The following KIF1B variants were observed in gnomAD, a reference collection of about 807,000 sequenced individuals.
KIF1B encodes kinesin family member 1B, also known as kinesin-like protein KIF1B.
A neutral mutation model predicts 241.9 loss-of-function variants in KIF1B; 76 were observed. That is an observed-to-expected ratio of 0.31 (90% CI 0.26 to 0.38). KIF1B has a LOEUF of 0.38. Among genes scored for constraint, KIF1B ranks in the 10% least tolerant of loss-of-function variants. The probability of loss-of-function intolerance (pLI) is 1.00; values close to 1 mark genes in which losing one functional copy is unlikely to be tolerated. For synonymous variants in KIF1B, 750 were observed against 796.7 expected, an observed-to-expected ratio of 0.94 and a Z score of 0.99; for missense variants, 1,622 against 2,271.4, an observed-to-expected ratio of 0.71 and a Z score of 5.81.
chr1:10,284,897 TCTTC>T (rs992000520), intron 15 of KIF1B, among the ~76,000 whole-genome samples: 5 of 152,090 alleles, frequency 3.3e-5, no homozygotes, highest in Non-Finnish European at 7.4e-5. Context: ...TGTGCTTGTT[TCTTC>T]CTTCAGAACA....
intron 17 of KIF1B, among the ~76,000 whole-genome samples, chr1:10,294,439 A>G (rs753205791): frequency 2.6e-5 from 4 of 152,170 alleles, no homozygotes; most frequent in Non-Finnish European, 5.9e-5. Context: ...ATAAAAGTAA[A>G]TATTTCTTGA....
intron 22 of KIF1B, among the ~76,000 whole-genome samples, chr1:10,298,074 G>T (rs1421375477): frequency 6.6e-6 from 1 of 152,110 alleles, no homozygotes; most frequent in Non-Finnish European, 1.5e-5. Context: ...ACCAATTTTG[G>T]TTAACAAAGC....
At chr1:10,324,924 T>C (rs1651671660) in intron 26 of KIF1B, 29 bp downstream of exon 26, 1 of 1,612,610 alleles carries the variant, frequency 6.2e-7, no homozygotes, top group Non-Finnish European at 8.5e-7. Flanking sequence ...GATGTCTTCT[T>C]TTAAAATAAT....
chr1:10,290,067 C>G (rs549056603), intron 15 of KIF1B, among the ~76,000 whole-genome samples: 12 of 152,022 alleles, frequency 7.9e-5, no homozygotes, highest in African/African-American at 2.9e-4. Flanking sequence ...ACTTACTTCT[C>G]TCTCTCTCTC....
intron 22 of KIF1B, among the ~76,000 whole-genome samples, chr1:10,312,482 T>G (rs1235689205): frequency 2.0e-5 from 3 of 151,484 alleles, no homozygotes; most frequent in Non-Finnish European, 4.4e-5. Context: ...GCAGTTTCCA[T>G]TAGAATAATA....
rs1646678680 is a variant in KIF1B at position 10,210,583 on chromosome 1, C to G, written c.-375C>G. On this transcript the variant is annotated 5_prime_UTR_variant, in exon 1 of 49. Transcript: ENST00000676179. The surrounding 1 kb of genome is among the most constrained non-coding windows in gnomAD (Gnocchi z 4.1). ...CCGAAGCGGGGCAGTGTGACGGCAG[C>G]GGTCCTGGGAGGCGCCCGCGCGCGT... 6.6e-6 allele frequency among the ~76,000 whole-genome samples: 1 copy of G among 152,026 alleles called. No homozygotes were observed. The highest frequency in any genetic ancestry group is 2.4e-5 in the African/African-American group (1 of 41,434).
intron 16 of KIF1B, among the ~76,000 whole-genome samples, chr1:10,291,493 GA>G (rs1649993917): frequency 6.6e-6 from 1 of 152,074 alleles, no homozygotes. Context: ...GGCAGATCAC[GA>G]GGTCGGGAGA....
chr1:10,251,070 A>T (rs1569572378), intron 2 of KIF1B, among the ~76,000 whole-genome samples: 1 of 151,828 alleles, frequency 6.6e-6, no homozygotes, highest in Admixed American at 6.6e-5. Flanking sequence ...GGAGGCTGAG[A>T]CAGGAGAATC....
In KIF1B at chr1:10,378,889, T is replaced by C. The variant is rs1638955775; in HGVS notation, c.*2302T>C. 1.7e-5 allele frequency: 4 copies of C among 237,128 alleles called. No homozygotes were observed. Among genetic ancestry groups the C allele is most frequent in the Non-Finnish European group, 8.3e-6 (1 of 120,304 alleles). The allele number at this position is 237,128 out of a possible 1,614,324, so 14.7% of individuals were successfully genotyped here. On this transcript the variant is annotated 3_prime_UTR_variant, in exon 49 of 49. Coordinates refer to ENST00000676179, the MANE Select transcript of KIF1B (RefSeq NM_001365951.3). Reference sequence around the variant, plus strand: ...TCTATGGCGGATTTTTTTTTTAACTTTCTTCTTCCTGTTAAAACATAGGTC... The same window carrying C: ...TCTATGGCGGATTTTTTTTTTAACTCTCTTCTTCCTGTTAAAACATAGGTC...
chr1:10,243,627 T>C (rs1647168266), intron 2 of KIF1B, among the ~76,000 whole-genome samples: 1 of 152,152 alleles, frequency 6.6e-6, no homozygotes, highest in Non-Finnish European at 1.5e-5. Flanking sequence ...GGCTCACATA[T>C]CTATTAATTG....
chr1:10,249,254 T>G lies in KIF1B; in HGVS notation c.107-6993T>G, dbSNP rs140890199. On this transcript the variant is annotated intron_variant, in intron 2 of 48. Transcript: ENST00000676179. Reference sequence around the variant, plus strand: ...GAAACAAATTAGAAGTCCAACACACTATTTTAGCTCAGTTGACCTTGATAC... The same window carrying G: ...GAAACAAATTAGAAGTCCAACACACGATTTTAGCTCAGTTGACCTTGATAC... Among the ~76,000 whole-genome samples the G allele has an allele frequency of 4.6e-3, 697 of 152,322 alleles. 17 individuals are homozygous for G. The highest frequency in any genetic ancestry group is 0.041 in the Admixed American group (626 of 15,288).
At position 10,324,815 on chromosome 1, in the gene KIF1B, T is replaced by C; in HGVS notation, c.2595T>C (p.Ser865=). Residue 865 remains serine, a synonymous_variant, in exon 26 of 49, where the codon AGT becomes AGC. Coordinates refer to ENST00000676179, the MANE Select transcript of KIF1B (RefSeq NM_001365951.3). ...ATAGGGCAGGGGAGATGGCCTCCAG[T>C]GCCCAAGACGAAAGCGAAACCACTG... ...MYDRAGEMAS[S]AQDESETTVT... 1.9e-6 allele frequency: 3 copies of C among 1,614,190 alleles called. No homozygotes were observed. The East Asian group carries it at 6.7e-5, about 36-fold the overall frequency.
intron 15 of KIF1B, among the ~76,000 whole-genome samples, chr1:10,283,065 G>T (rs1649497282): frequency 6.6e-6 from 1 of 151,870 alleles, no homozygotes; most frequent in Non-Finnish European, 1.5e-5. Context: ...AAATTAGCCG[G>T]GCGTGGTGGC....
At chr1:10,305,025 C>T (rs947149373) in intron 22 of KIF1B, 1 of 1,098,026 alleles carries the variant, frequency 9.1e-7, no homozygotes, top group African/African-American at 1.6e-5. Flanking sequence ...TTTATGCAGA[C>T]ATTCAAAAGG....
chr1:10,340,841 G>A (rs1652366764), intron 32 of KIF1B, among the ~76,000 whole-genome samples: 1 of 152,174 alleles, frequency 6.6e-6, no homozygotes, highest in African/African-American at 2.4e-5. Flanking sequence ...GGCAGAGATA[G>A]GACTTAAGCT....
chr1:10,376,646 T>C lies in KIF1B; in HGVS notation c.*59T>C, dbSNP rs1356059297. 6.7e-7 allele frequency: 1 copy of C among 1,502,876 alleles called. No homozygotes were observed. The highest frequency in any genetic ancestry group is 9.3e-7 in the Non-Finnish European group (1 of 1,079,270). 93.1% of individuals were successfully genotyped at this position (1,502,876 alleles called of 1,614,324 possible). On this transcript the variant is annotated 3_prime_UTR_variant, in exon 49 of 49. Transcript: ENST00000676179. ...GAGATAAAGAAAGCGTTACCTCTCA[T>C]TTCTCTTTGTGATTCTTGACGGTGA...
At chr1:10,332,145 A>G (rs1185206459) in intron 27 of KIF1B, among the ~76,000 whole-genome samples, 7 of 151,840 alleles carry the variant, frequency 4.6e-5, no homozygotes, top group South Asian at 2.1e-4. Context: ...GCTCACTGCA[A>G]CCTTCACCTC....
chr1:10,332,362 G>C (rs551068117), intron 27 of KIF1B, among the ~76,000 whole-genome samples: 181 of 151,668 alleles, frequency 1.2e-3, no homozygotes, highest in Non-Finnish European at 2.1e-3. Context: ...CACCATGCCC[G>C]GCCCTTAACA....
chr1:10,348,639 C>T lies in KIF1B; in HGVS notation c.3865-10C>T. On this transcript the variant is annotated splice_polypyrimidine_tract_variant and intron_variant, in intron 36 of 48. Transcript: ENST00000676179. ...CTTCAGCTAAATTGCAACCCTGCTT[C>T]ATTACCTAGGGCATCCAGCGAAGGA... 6.2e-7 allele frequency: 1 copy of T among 1,611,904 alleles called. No homozygotes were observed. The highest frequency in any genetic ancestry group is 8.5e-7 in the Non-Finnish European group (1 of 1,178,002).
Sources: gnomAD v4.1 joint callset for allele counts (sites outside exome capture counted in the v4.1 genomes callset) on GRCh38, gnomAD v4.1.1 for gene constraint, Gnocchi (gnomAD v3.1) non-coding constraint, MANE v1.5 for transcripts, NCBI Gene and HGNC (gene_info 2026-07-23, HGNC 2026-07-21) for gene names.